Variants in CRYBG1 observed in about 807,000 individuals in gnomAD.
CRYBG1 encodes the protein crystallin beta-gamma domain containing 1.
In CRYBG1, 139 loss-of-function variants were observed where a neutral mutation model predicts 189.2. The ratio of observed to expected loss-of-function variants is 0.73; its 90% CI spans 0.64 to 0.85. The LOEUF is 0.85. Among genes scored for constraint, CRYBG1 ranks in the 40% least tolerant of loss-of-function variants. The pLI, the probability that CRYBG1 is intolerant of heterozygous loss-of-function variation, is 0.00. For synonymous variants in CRYBG1, 1,023 were observed against 1,017.1 expected (o/e 1.01, Z -0.11); for missense variants, 2,611 against 2,675.8 (o/e 0.98, Z 0.53).
At chr6:106,510,604 C>A (rs1477598693) in intron 2 of CRYBG1, among the ~76,000 whole-genome samples, 1 of 152,154 alleles carries the variant, frequency 6.6e-6, no homozygotes, top group Non-Finnish European at 1.5e-5. Flanking sequence ...AGGAACGGGT[C>A]CCGGGGCGGA....
chr6:106,525,201 T>C (rs1229579168), intron 5 of CRYBG1, 21 bp downstream of exon 5: 2 of 1,614,110 alleles, frequency 1.2e-6, no homozygotes, highest in East Asian at 2.2e-5. Flanking sequence ...TTTCTGTTTC[T>C]AGTCTTGATT....
chr6:106,440,884 T>C (rs370858191), intron 1 of CRYBG1, among the ~76,000 whole-genome samples: 3 of 152,344 alleles, frequency 2.0e-5, no homozygotes, highest in African/African-American at 7.2e-5. Flanking sequence ...AGACACTATT[T>C]CTCACACCAT....
At chr6:106,412,993 C>T (rs115738213) in intron 1 of CRYBG1, among the ~76,000 whole-genome samples, 1,924 of 149,006 alleles carry the variant, frequency 0.013, 40 homozygotes, top group African/African-American at 0.045. Context: ...CTGAAAATTT[C>T]GAGGTGGTTC....
intron 2 of CRYBG1, among the ~76,000 whole-genome samples, chr6:106,506,900 T>G (rs1773142900): frequency 6.6e-6 from 1 of 152,170 alleles, no homozygotes; most frequent in Admixed American, 6.6e-5. Flanking sequence ...CAGAATTTAT[T>G]TAAGCAAGGA....
intron 2 of CRYBG1, among the ~76,000 whole-genome samples, chr6:106,488,743 T>C (rs994189662): frequency 1.3e-5 from 2 of 152,152 alleles, no homozygotes; most frequent in African/African-American, 4.8e-5. Flanking sequence ...AGGTGCCTCA[T>C]GAATTTTGGC....
chr6:106,392,728 C>T (rs555229073), intron 1 of CRYBG1, among the ~76,000 whole-genome samples: 45 of 152,156 alleles, frequency 3.0e-4, no homozygotes, highest in Non-Finnish European at 4.1e-4. Flanking sequence ...AAAGGACAGC[C>T]GTGCTAAGAA....
chr6:106,564,027 TAGTAAC>T, intron 21 of CRYBG1, 101 bp downstream of exon 21: 2 of 1,252,316 alleles, frequency 1.6e-6, no homozygotes. Flanking sequence ...GTATTATTAG[TAGTAAC>T]AGTAAGAGAG....
chr6:106,530,442 T>C (rs1773853260), intron 8 of CRYBG1, 127 bp downstream of exon 8: 1 of 868,114 alleles, frequency 1.2e-6, no homozygotes, highest in Non-Finnish European at 1.7e-6. Context: ...CTGTAAGGTA[T>C]ATTTTTATAA....
intron 2 of CRYBG1, among the ~76,000 whole-genome samples, chr6:106,501,118 C>T (rs1014732965): frequency 1.3e-5 from 2 of 152,032 alleles, no homozygotes; most frequent in Non-Finnish European, 2.9e-5. Context: ...TTGTTCCTCA[C>T]GAAGCTTATG....
At chr6:106,477,233 TAA>T (rs1161426698) in intron 2 of CRYBG1, among the ~76,000 whole-genome samples, 1 of 152,216 alleles carries the variant, frequency 6.6e-6, no homozygotes, top group Non-Finnish European at 1.5e-5. Context: ...TGCATTTTAC[TAA>T]AGATAAATAT....
intron 1 of CRYBG1, among the ~76,000 whole-genome samples, chr6:106,363,587 T>C (rs1448310629): frequency 6.6e-6 from 1 of 152,128 alleles, no homozygotes; most frequent in African/African-American, 2.4e-5. Context: ...GACTTGGAAG[T>C]GATGGAATTT....
chr6:106,439,996 C>T (rs970579227), intron 1 of CRYBG1, among the ~76,000 whole-genome samples: 1 of 152,202 alleles, frequency 6.6e-6, no homozygotes, highest in Non-Finnish European at 1.5e-5. Context: ...CTCTCCCCTG[C>T]ATTATGCACA....
At chr6:106,551,566 A>G (rs577876466) in intron 13 of CRYBG1, among the ~76,000 whole-genome samples, 10 of 152,316 alleles carry the variant, frequency 6.6e-5, no homozygotes, top group African/African-American at 2.2e-4. Flanking sequence ...TACTAGTTCT[A>G]TCTTTAGTTC....
At chr6:106,376,112 C>T (rs4565339) in intron 1 of CRYBG1, among the ~76,000 whole-genome samples, 134,622 of 152,268 alleles carry the variant, frequency 0.88, 59,793 homozygotes, top group East Asian at 0.98. Context: ...TAATTCACAA[C>T]CTCACTATTT....
In CRYBG1 at chr6:106,512,719, G is replaced by A. The variant is rs1475876945; in HGVS notation, c.1602G>A (p.Arg534=). The change falls in exon 3 of 22, where the codon CGG becomes CGA. Residue 534 remains arginine, a synonymous_variant. Coordinates refer to ENST00000633556, the MANE Select transcript of CRYBG1 (RefSeq NM_001371242.2). ...CCGCCCCGCCCGCCAGCGGCCCCCG[G>A]GCTCCCGCCAAGGAGTCCCCACCCA... ...AVPAPPASGP[R]APAKESPPKR... is the part of the protein sequence containing the mutation. The A allele has an allele frequency of 4.5e-6, 7 of 1,556,198 alleles. No homozygotes were observed. Among genetic ancestry groups the A allele is most frequent in the Non-Finnish European group, 5.2e-6 (6 of 1,150,970 alleles).
chr6:106,505,207 G>T lies in CRYBG1; in HGVS notation c.313-6223G>T, dbSNP rs9486374. On this transcript the variant is annotated intron_variant, in intron 2 of 21. Transcript: ENST00000633556. ...CCTCCCGGGTTCAAGCAATTCTCTT[G>T]CCTCAGCCTCCCAAGTAGCTGGGAC... 3.3e-3 allele frequency among the ~76,000 whole-genome samples: 500 copies of T among 151,442 alleles called. 2 individuals carry two copies. Among genetic ancestry groups the T allele is most frequent in the African/African-American group, 0.012 (487 of 41,220 alleles).
At chr6:106,473,664 G>C (rs897162123) in intron 2 of CRYBG1, among the ~76,000 whole-genome samples, 6 of 152,300 alleles carry the variant, frequency 3.9e-5, no homozygotes, top group African/African-American at 1.4e-4. Context: ...TGACCTAGAT[G>C]ATCTGTTTTG....
chr6:106,515,875 C>G (rs1773407080), intron 3 of CRYBG1, among the ~76,000 whole-genome samples: 1 of 151,690 alleles, frequency 6.6e-6, no homozygotes, highest in East Asian at 1.9e-4. Flanking sequence ...TCACTGCAGT[C>G]TCGACCTCCC....
At chr6:106,514,597 G>C (rs1308976751) in intron 3 of CRYBG1, among the ~76,000 whole-genome samples, 3 of 152,194 alleles carry the variant, frequency 2.0e-5, no homozygotes, top group African/African-American at 7.2e-5. Context: ...CAGTGTGATT[G>C]AATGCTAAAG....
Sources: gnomAD v4.1 joint callset for allele counts (sites outside exome capture counted in the v4.1 genomes callset) on GRCh38, gnomAD v4.1.1 for gene constraint, MANE v1.5 for transcripts, NCBI Gene and HGNC (gene_info 2026-07-23, HGNC 2026-07-21) for gene names.